The following VAC14 variants were observed in gnomAD, a reference collection of about 807,000 sequenced individuals.
VAC14 encodes protein VAC14 homolog.
A neutral mutation model predicts 85.3 loss-of-function variants in VAC14; 47 were observed. That is an observed-to-expected ratio of 0.55 (90% CI 0.44 to 0.70). VAC14 has a LOEUF of 0.70. Ranked by LOEUF, VAC14 falls within the 30% of genes least tolerant of loss-of-function variation. The probability of loss-of-function intolerance (pLI) is 0.00; values close to 1 mark genes in which losing one functional copy is unlikely to be tolerated. For synonymous variants in VAC14, 447 were observed against 430.5 expected (o/e 1.04, Z -0.47); for missense variants, 861 against 1,004.3 (o/e 0.86, Z 1.93).
At chr16:70,767,310 T>C (rs1320836246) in intron 10 of VAC14, among the ~76,000 whole-genome samples, 1 of 152,196 alleles carries the variant, frequency 6.6e-6, no homozygotes, top group African/African-American at 2.4e-5. Flanking sequence ...CTTTTTACAG[T>C]GTTCGGGTTA....
intron 18 of VAC14, chr16:70,689,165 T>G (rs2053553393): frequency 1.0e-6 from 1 of 976,722 alleles, no homozygotes; most frequent in Non-Finnish European, 1.2e-6. Context: ...CTTGAGCATG[T>G]GACTGTTTCC....
intron 12 of VAC14, among the ~76,000 whole-genome samples, chr16:70,755,582 C>T (rs1426622797): frequency 6.6e-6 from 1 of 152,228 alleles, no homozygotes; most frequent in African/African-American, 2.4e-5. Context: ...CCTGGACCAC[C>T]ATGTGGATTC....
chr16:70,692,275 G>A (rs527475379), intron 18 of VAC14, among the ~76,000 whole-genome samples: 1 of 151,792 alleles, frequency 6.6e-6, no homozygotes, highest in East Asian at 1.9e-4. Context: ...GAGCAGGGGA[G>A]CCTTGAGTGT....
chr16:70,751,900 G>T (rs1276453724), intron 12 of VAC14, among the ~76,000 whole-genome samples: 1 of 152,244 alleles, frequency 6.6e-6, no homozygotes, highest in Admixed American at 6.5e-5. Flanking sequence ...AAACGCCCTG[G>T]TCTGCACGGG....
chr16:70,782,139 TCTA>T (rs1725606364), intron 7 of VAC14, 136 bp from the exon 8 acceptor site: 1 of 1,227,644 alleles, frequency 8.1e-7, no homozygotes, highest in African/African-American at 1.5e-5. Flanking sequence ...TCACCAATGC[TCTA>T]CTACCTGTGT....
chr16:70,692,111 G>C, intron 18 of VAC14: 1 of 981,934 alleles, frequency 1.0e-6, no homozygotes, highest in Non-Finnish European at 1.2e-6. Flanking sequence ...AAGCCTCCAA[G>C]GGTTACCAAA....
intron 12 of VAC14, among the ~76,000 whole-genome samples, chr16:70,759,173 C>T (rs753738107): frequency 3.9e-5 from 6 of 152,274 alleles, no homozygotes; most frequent in Admixed American, 2.6e-4. Flanking sequence ...TGGCTCTCAG[C>T]GAGAGGGAGG....
At chr16:70,701,069 A>C (rs575117936) in intron 14 of VAC14, among the ~76,000 whole-genome samples, 1 of 152,302 alleles carries the variant, frequency 6.6e-6, no homozygotes, top group African/African-American at 2.4e-5. Context: ...GTGTTACAGA[A>C]GGTCAGGAAT....
intron 14 of VAC14, among the ~76,000 whole-genome samples, chr16:70,723,152 G>A (rs933319489): frequency 2.0e-5 from 3 of 152,188 alleles, no homozygotes; most frequent in East Asian, 1.9e-4. Flanking sequence ...AACCCGGGGG[G>A]TGGAGGTTGC....
chr16:70,702,573 G>A (rs1252928499), intron 14 of VAC14, among the ~76,000 whole-genome samples: 1 of 152,206 alleles, frequency 6.6e-6, no homozygotes, highest in Non-Finnish European at 1.5e-5. Flanking sequence ...CTGGGAAGGA[G>A]GTGGGGGCCG....
intron 1 of VAC14, 148 bp from the exon 2 acceptor site, chr16:70,786,513 CT>C: frequency 1.0e-6 from 1 of 1,001,086 alleles, no homozygotes; most frequent in Non-Finnish European, 1.4e-6. Context: ...AGTTCTGTTG[CT>C]GGCTGAGTCA....
At chr16:70,787,039 G>A (rs1293774170) in intron 1 of VAC14, among the ~76,000 whole-genome samples, 1 of 152,204 alleles carries the variant, frequency 6.6e-6, no homozygotes, top group Non-Finnish European at 1.5e-5. Context: ...ATCTGGGACA[G>A]GATGAGGGCT....
At chr16:70,690,151 G>C in intron 18 of VAC14, 1 of 985,698 alleles carries the variant, frequency 1.0e-6, no homozygotes, top group Non-Finnish European at 1.2e-6. Flanking sequence ...GGTGGGAAGA[G>C]TGGGCCACAT....
At chr16:70,691,481 G>C in intron 18 of VAC14, 1 of 985,440 alleles carries the variant, frequency 1.0e-6, no homozygotes, top group South Asian at 4.7e-5. Flanking sequence ...GGAGTCTCTC[G>C]GGAGCTGACA....
rs1375875079 is a variant in VAC14 at position 70,781,996 on chromosome 16, G to A, written c.819C>T (p.Leu273=). ...LVIHCQTTDD[L]IQLTAMCWMR... ...TCCAGCACATGGCTGTCAGCTGGAT[G>A]AGGTCATCTGGAAGGGGAATCAGGG... is the stretch of plus-strand genomic sequence containing the variant. The change falls in exon 8 of 19, where the codon CTC becomes CTT. Residue 273 remains leucine (L), a synonymous_variant. Coordinates refer to ENST00000261776, the MANE Select transcript of VAC14 (RefSeq NM_018052.5). The A allele has an allele frequency of 6.2e-7, 1 of 1,613,690 alleles. No homozygotes were observed. Among genetic ancestry groups the A allele is most frequent in the South Asian group, 1.1e-5 (1 of 91,068 alleles).
chr16:70,739,478 G>A (rs2030042529), intron 13 of VAC14, among the ~76,000 whole-genome samples: 2 of 152,214 alleles, frequency 1.3e-5, no homozygotes, highest in African/African-American at 4.8e-5. Flanking sequence ...GCCAGGTTGT[G>A]CCCATGGCCT....
chr16:70,717,557 C>T (rs1305092244), intron 14 of VAC14, among the ~76,000 whole-genome samples: 6 of 152,220 alleles, frequency 3.9e-5, no homozygotes, highest in African/African-American at 1.2e-4. Flanking sequence ...TGCCATGTGC[C>T]GTCCAGAGTC....
intron 12 of VAC14, among the ~76,000 whole-genome samples, chr16:70,760,116 A>G (rs1425466104): frequency 6.6e-6 from 1 of 152,184 alleles, no homozygotes; most frequent in Admixed American, 6.5e-5. Context: ...CCTAGCTGGA[A>G]GTGAGAGCCT....
intron 18 of VAC14, chr16:70,691,508 A>C: frequency 1.0e-6 from 1 of 985,398 alleles, no homozygotes; most frequent in Non-Finnish European, 1.2e-6. Context: ...CGGCCCCAGG[A>C]ACCCACACAT....
Sources: allele counts gnomAD v4.1 joint callset (sites outside exome capture counted in the v4.1 genomes callset), GRCh38; gene constraint gnomAD v4.1.1; transcripts MANE v1.5; gene names NCBI Gene and HGNC (gene_info 2026-07-23, HGNC 2026-07-21).